The following HSD17B12 variants were observed in gnomAD, a reference collection of about 807,000 sequenced individuals.
The protein encoded by HSD17B12 is very-long-chain 3-oxoacyl-CoA reductase.
Under a neutral mutation model 39.3 loss-of-function variants are expected in HSD17B12, and 32 were observed. The observed-to-expected ratio is 0.81, with a 90% CI of 0.61 to 1.09. The LOEUF is 1.09. Among genes scored for constraint, HSD17B12 ranks in the 50% least tolerant of loss-of-function variants. The pLI is 0.00. For missense variants in HSD17B12, 342 were observed against 382.9 expected, an observed-to-expected ratio of 0.89 and a Z score of 0.89; for synonymous variants, 150 against 146.7, an observed-to-expected ratio of 1.02 and a Z score of -0.16.
chr11:43,616,864 C>T, the HSD17B12 span, among the ~76,000 whole-genome samples: 21 of 145,980 alleles, frequency 1.4e-4, no homozygotes, highest in Admixed American at 8.3e-4. Flanking sequence ...CCCAGCTACT[C>T]GAGAGGCTGA....
At chr11:43,679,810 A>G (rs972232386), upstream of HSD17B12, among the ~76,000 whole-genome samples, 2 of 152,204 alleles carry the variant, frequency 1.3e-5, no homozygotes, top group South Asian at 2.1e-4. Context: ...GTTGGGAACT[A>G]AGTGATGTTT....
At chr11:43,814,464 T>A (rs752787252) in intron 4 of HSD17B12, among the ~76,000 whole-genome samples, 20 of 152,228 alleles carry the variant, frequency 1.3e-4, no homozygotes, top group Non-Finnish European at 2.5e-4. Flanking sequence ...ATTTTATTCA[T>A]TGATTGATTC....
At chr11:43,757,667 A>AAAAAAAAAC (rs869271362) in intron 3 of HSD17B12, among the ~76,000 whole-genome samples, 5 of 143,296 alleles carry the variant, frequency 3.5e-5, no homozygotes, top group African/African-American at 1.3e-4. Flanking sequence ...AAAAAAAAAA[A>AAAAAAAAAC]CAAATAGGTA....
At chr11:43,761,340 T>C (rs1950553384) in intron 3 of HSD17B12, among the ~76,000 whole-genome samples, 1 of 152,220 alleles carries the variant, frequency 6.6e-6, no homozygotes, top group Non-Finnish European at 1.5e-5. Flanking sequence ...TGTAGAATAT[T>C]TGGCCATTGC....
chr11:43,762,802 C>T (rs1028100787), intron 3 of HSD17B12, among the ~76,000 whole-genome samples: 3 of 152,164 alleles, frequency 2.0e-5, no homozygotes, highest in African/African-American at 2.4e-5. Flanking sequence ...TCTTAGCAAT[C>T]AATTTGTTCA....
intron 3 of HSD17B12, among the ~76,000 whole-genome samples, chr11:43,783,885 C>T (rs1950790920): frequency 6.6e-6 from 1 of 152,088 alleles, no homozygotes; most frequent in Non-Finnish European, 1.5e-5. Flanking sequence ...TACATGTTAA[C>T]ACTACACATT....
chr11:43,853,358 A>AC (rs1161541465), intron 9 of HSD17B12: 1 of 149,322 alleles, frequency 6.7e-6, no homozygotes, highest in Non-Finnish European at 1.5e-5. Context: ...AAAAAAAAAA[A>AC]AAAAAACCAG....
the HSD17B12 span, among the ~76,000 whole-genome samples, chr11:43,638,537 T>C: frequency 6.6e-6 from 1 of 152,156 alleles, no homozygotes; most frequent in Non-Finnish European, 1.5e-5. Flanking sequence ...AAAAGAAAAC[T>C]CTTATTTTAT....
chr11:43,701,731 C>T (rs538348982), intron 1 of HSD17B12, among the ~76,000 whole-genome samples: 3 of 152,064 alleles, frequency 2.0e-5, no homozygotes, highest in South Asian at 2.1e-4. Context: ...AGTTATTATA[C>T]CTCTGTAGTA....
chr11:43,750,840 G>A, intron 1 of HSD17B12, 71 bp from the exon 2 acceptor site: 1 of 996,684 alleles, frequency 1.0e-6, no homozygotes, highest in East Asian at 2.5e-5. Flanking sequence ...TATGTAATTG[G>A]TGGGTCCTAA....
chr11:43,815,588 C>A, intron 5 of HSD17B12, 87 bp downstream of exon 5: 5 of 769,380 alleles, frequency 6.5e-6, no homozygotes, highest in Admixed American at 2.0e-5. Flanking sequence ...TGGAGTCCAG[C>A]TGCCTGTGGT....
the HSD17B12 span, among the ~76,000 whole-genome samples, chr11:43,595,628 A>G: frequency 6.6e-6 from 1 of 152,238 alleles, no homozygotes; most frequent in South Asian, 2.1e-4. Flanking sequence ...AATGTATTTA[A>G]AATTAACCTT....
chr11:43,670,914 G>A, the HSD17B12 span, among the ~76,000 whole-genome samples: 3 of 151,832 alleles, frequency 2.0e-5, no homozygotes, highest in Non-Finnish European at 4.4e-5. Flanking sequence ...GATTATAAGG[G>A]GAATAAAGGA....
At chr11:43,662,319 C>G in the HSD17B12 span, among the ~76,000 whole-genome samples, 1 of 151,500 alleles carries the variant, frequency 6.6e-6, no homozygotes, top group Non-Finnish European at 1.5e-5. Flanking sequence ...CTGTCTTACC[C>G]TCCCCAGTAA....
the HSD17B12 span, chr11:43,570,316 T>C: frequency 6.6e-6 from 1 of 152,224 alleles, no homozygotes; most frequent in Admixed American, 6.5e-5. Flanking sequence ...AAGAGAAAGA[T>C]CCTCAGAAGT....
chr11:43,733,985 A>G (rs1950292858), intron 1 of HSD17B12: 4 of 718,962 alleles, frequency 5.6e-6, no homozygotes, highest in Non-Finnish European at 1.0e-5. Flanking sequence ...GTAATGCTCC[A>G]GTCATCACTG....
intron 3 of HSD17B12, among the ~76,000 whole-genome samples, chr11:43,769,690 T>C (rs1273497226): frequency 6.6e-6 from 1 of 152,248 alleles, no homozygotes; most frequent in African/African-American, 2.4e-5. Flanking sequence ...AGTGAAGAAA[T>C]AGAATGGAGG....
intron 1 of HSD17B12, among the ~76,000 whole-genome samples, chr11:43,731,227 C>T (rs1376051542): frequency 2.0e-5 from 3 of 152,180 alleles, no homozygotes; most frequent in Non-Finnish European, 4.4e-5. Flanking sequence ...GAACTCCTGA[C>T]CTCAGGTGAT....
intron 1 of HSD17B12, among the ~76,000 whole-genome samples, chr11:43,691,701 C>G (rs917613655): frequency 6.6e-6 from 1 of 152,178 alleles, no homozygotes; most frequent in Admixed American, 6.5e-5. Flanking sequence ...ACATCAGGCT[C>G]CTTGGCCCTT....
Sources: allele counts gnomAD v4.1 joint callset (sites outside exome capture counted in the v4.1 genomes callset), GRCh38; gene constraint gnomAD v4.1.1; transcripts MANE v1.5; gene names NCBI Gene and HGNC (gene_info 2026-07-23, HGNC 2026-07-21).